Variants in LRRTM4 observed in about 807,000 individuals in gnomAD.
LRRTM4 encodes leucine rich repeat transmembrane neuronal 4.
Under a neutral mutation model 47.6 loss-of-function variants are expected in LRRTM4, and 25 were observed. The ratio of observed to expected loss-of-function variants is 0.53; its 90% CI spans 0.38 to 0.73. LRRTM4 has a LOEUF of 0.73. LRRTM4 is among the 30% of genes least tolerant of loss of function. The pLI, the probability that LRRTM4 is intolerant of heterozygous loss-of-function variation, is 0.00. For missense variants in LRRTM4, 638 were observed against 713.4 expected (o/e 0.89, Z 1.20); for synonymous variants, 311 against 269.5 (o/e 1.15, Z -1.51).
chr2:77,397,344 T>C (rs1455601569), intron 3 of LRRTM4, among the ~76,000 whole-genome samples: 1 of 151,776 alleles, frequency 6.6e-6, no homozygotes, highest in Non-Finnish European at 1.5e-5. Context: ...GAAAGTATCA[T>C]AAAAAGGGGA....
chr2:76,818,164 CT>C (rs1670954761), intron 3 of LRRTM4, among the ~76,000 whole-genome samples: 1 of 151,740 alleles, frequency 6.6e-6, no homozygotes. Context: ...TTGTTTTCCC[CT>C]AAAGATAAGT....
At chr2:76,851,509 G>A (rs977451846) in intron 3 of LRRTM4, among the ~76,000 whole-genome samples, 16 of 152,134 alleles carry the variant, frequency 1.1e-4, no homozygotes, top group East Asian at 3.9e-4. Context: ...TGTCCTTACC[G>A]TTGCTGACAG....
At chr2:77,007,050 T>A (rs1294092626) in intron 3 of LRRTM4, among the ~76,000 whole-genome samples, 2 of 151,980 alleles carry the variant, frequency 1.3e-5, no homozygotes, top group Admixed American at 6.6e-5. Flanking sequence ...CTTTATTGTA[T>A]GAACAGTTTG....
chr2:76,907,336 C>G (rs1673880406), intron 3 of LRRTM4, among the ~76,000 whole-genome samples: 1 of 151,108 alleles, frequency 6.6e-6, no homozygotes, highest in Non-Finnish European at 1.5e-5. Flanking sequence ...GGGACGCATT[C>G]AAAGTAGTGT....
chr2:77,428,115 A>T (rs1424757484), intron 3 of LRRTM4, among the ~76,000 whole-genome samples: 1 of 152,152 alleles, frequency 6.6e-6, no homozygotes, highest in Non-Finnish European at 1.5e-5. Flanking sequence ...TCCTGCCACC[A>T]TGTGAAGAAG....
chr2:77,344,067 G>T (rs181216824), intron 3 of LRRTM4, among the ~76,000 whole-genome samples: 1 of 151,898 alleles, frequency 6.6e-6, no homozygotes, highest in Admixed American at 6.6e-5. Flanking sequence ...TCTGGCCTCT[G>T]ATTTGTGCTT....
intron 3 of LRRTM4, among the ~76,000 whole-genome samples, chr2:76,795,451 A>G (rs1200953966): frequency 1.3e-5 from 2 of 152,192 alleles, no homozygotes; most frequent in Admixed American, 1.3e-4. Flanking sequence ...AAAACATTGT[A>G]ATGACTATAT....
In LRRTM4 at chr2:77,113,953, G is replaced by A. The variant is rs183994946; in HGVS notation, c.1552-365037C>T. On this transcript the variant is annotated intron_variant, in intron 3 of 3. Transcript: ENST00000409884. ...GAAGCTGCAAGTAGCGGCTCTTCGG[G>A]AAATAAAATAAGATCACCAGGGGGT... is the stretch of plus-strand genomic sequence containing the variant. Among the ~76,000 whole-genome samples the A allele has an allele frequency of 4.9e-3, 747 of 152,182 alleles. 3 individuals carry two copies. Among genetic ancestry groups the A allele is most frequent in the Non-Finnish European group, 5.9e-3 (404 of 68,006 alleles).
chr2:77,426,455 C>T (rs1041901987), intron 3 of LRRTM4, among the ~76,000 whole-genome samples: 3 of 152,100 alleles, frequency 2.0e-5, no homozygotes, highest in African/African-American at 7.2e-5. Context: ...TTTAGAGTAG[C>T]ACAAATTTGC....
At chr2:76,954,299 T>A (rs1675598183) in intron 3 of LRRTM4, among the ~76,000 whole-genome samples, 1 of 151,612 alleles carries the variant, frequency 6.6e-6, no homozygotes, top group Non-Finnish European at 1.5e-5. Flanking sequence ...AGATGACCAA[T>A]AAGCTCAGAA....
intron 3 of LRRTM4, among the ~76,000 whole-genome samples, chr2:77,443,211 T>G (rs889101519): frequency 1.3e-5 from 2 of 152,128 alleles, no homozygotes; most frequent in Non-Finnish European, 2.9e-5. Context: ...TGTTTTTCTT[T>G]TATTCTAAGA....
At chr2:77,398,270 A>T (rs761762784) in intron 3 of LRRTM4, among the ~76,000 whole-genome samples, 71 of 152,020 alleles carry the variant, frequency 4.7e-4, no homozygotes, top group Non-Finnish European at 9.4e-4. Flanking sequence ...CAGATAATAC[A>T]TAAGAATGCT....
chr2:77,005,699 C>G (rs904951844), intron 3 of LRRTM4, among the ~76,000 whole-genome samples: 3 of 152,122 alleles, frequency 2.0e-5, no homozygotes, highest in Non-Finnish European at 2.9e-5. Context: ...TTGCCTGATA[C>G]CATGTAAGAC....
At chr2:77,257,181 G>A (rs1172028135) in intron 3 of LRRTM4, among the ~76,000 whole-genome samples, 2 of 151,798 alleles carry the variant, frequency 1.3e-5, no homozygotes, top group African/African-American at 2.4e-5. Context: ...AAATCCTACC[G>A]CTAACGTCAT....
intron 3 of LRRTM4, among the ~76,000 whole-genome samples, chr2:76,920,997 A>T (rs1420700478): frequency 6.6e-6 from 1 of 151,462 alleles, no homozygotes. Flanking sequence ...ATTATCTTTC[A>T]TTGGAATGGT....
At chr2:77,189,248 C>G (rs1300195884) in intron 3 of LRRTM4, among the ~76,000 whole-genome samples, 1 of 152,130 alleles carries the variant, frequency 6.6e-6, no homozygotes, top group Non-Finnish European at 1.5e-5. Context: ...CCCTCAAATG[C>G]TCAAGTCAAG....
intron 3 of LRRTM4, among the ~76,000 whole-genome samples, chr2:77,119,246 T>C (rs1671465403): frequency 6.6e-6 from 1 of 151,884 alleles, no homozygotes; most frequent in Admixed American, 6.6e-5. Context: ...TGAGTCTACT[T>C]TCTTCCTTTT....
chr2:76,889,226 C>G (rs374495158), intron 3 of LRRTM4, among the ~76,000 whole-genome samples: 1 of 151,900 alleles, frequency 6.6e-6, no homozygotes, highest in Non-Finnish European at 1.5e-5. Flanking sequence ...TTTTACTCAT[C>G]TGTTTATACA....
intron 3 of LRRTM4, among the ~76,000 whole-genome samples, chr2:77,031,392 A>G (rs1240011849): frequency 1.3e-5 from 2 of 152,294 alleles, no homozygotes; most frequent in Admixed American, 1.3e-4. Context: ...TTATTTTACT[A>G]TAACATCTGA....
Sources: allele counts gnomAD v4.1 joint callset (sites outside exome capture counted in the v4.1 genomes callset), GRCh38; gene constraint gnomAD v4.1.1; transcripts MANE v1.5; gene names NCBI Gene and HGNC (gene_info 2026-07-23, HGNC 2026-07-21).